EIF4E: variants seen among roughly 807,000 people sequenced by gnomAD.
EIF4E encodes the protein eIF-4F 25 kDa subunit.
For synonymous variants in EIF4E, 71 were observed against 88.5 expected (o/e 0.80, Z 1.11); for missense variants, 113 against 265.6 (o/e 0.43, Z 3.99).
At chr4:98,929,049 C>A in intron 1 of EIF4E, 46 bp downstream of exon 1, 2 of 1,574,062 alleles carry the variant, frequency 1.3e-6, no homozygotes, top group Non-Finnish European at 1.7e-6. Context: ...AGAAGGAAGA[C>A]GGAGCGCGGG....
chr4:98,888,171 A>G (rs1724000023), intron 3 of EIF4E, among the ~76,000 whole-genome samples: 1 of 152,196 alleles, frequency 6.6e-6, no homozygotes, highest in African/African-American at 2.4e-5. Flanking sequence ...AAAAACTTCT[A>G]GTGACTGCTC....
chr4:98,901,384 A>G (rs1203320434), intron 2 of EIF4E, among the ~76,000 whole-genome samples: 1 of 152,112 alleles, frequency 6.6e-6, no homozygotes, highest in Non-Finnish European at 1.5e-5. Flanking sequence ...TTTTTAGTAG[A>G]GACGGGGTTT....
intron 1 of EIF4E, among the ~76,000 whole-genome samples, chr4:98,923,204 CAA>C (rs550509478): frequency 2.5e-5 from 3 of 121,546 alleles, no homozygotes; most frequent in Non-Finnish European, 1.8e-5. Flanking sequence ...ACTGGGGAAA[CAA>C]AAAAAAAAAA....
intron 1 of EIF4E, among the ~76,000 whole-genome samples, chr4:98,920,575 A>G (rs1218279051): frequency 6.6e-6 from 1 of 152,140 alleles, no homozygotes; most frequent in Non-Finnish European, 1.5e-5. Context: ...GATTACAAGC[A>G]TGAACCACTG....
chr4:98,921,851 C>T (rs1725654743), intron 1 of EIF4E, among the ~76,000 whole-genome samples: 1 of 152,092 alleles, frequency 6.6e-6, no homozygotes, highest in Admixed American at 6.6e-5. Context: ...TAGCAAATGC[C>T]AGAAATCAAA....
At chr4:98,882,690 G>A (rs555614798) in intron 6 of EIF4E, among the ~76,000 whole-genome samples, 1 of 151,602 alleles carries the variant, frequency 6.6e-6, no homozygotes, top group African/African-American at 2.4e-5. Flanking sequence ...CAAAAAGCAA[G>A]ACCATTGAGT....
intron 5 of EIF4E, 157 bp downstream of exon 5, chr4:98,886,922 G>A (rs2110179534): frequency 5.8e-6 from 4 of 687,618 alleles, no homozygotes; most frequent in East Asian, 2.9e-5. Flanking sequence ...ACTATAAACA[G>A]GAGTCATATG....
chr4:98,918,809 C>T (rs1461856368), intron 1 of EIF4E, among the ~76,000 whole-genome samples: 1 of 152,196 alleles, frequency 6.6e-6, no homozygotes, highest in African/African-American at 2.4e-5. Context: ...GAAAAGTGCA[C>T]ATAGCTGGCT....
At chr4:98,909,542 C>T in intron 1 of EIF4E, 1 of 633,628 alleles carries the variant, frequency 1.6e-6, no homozygotes, top group Non-Finnish European at 2.8e-6. Flanking sequence ...AAGTTTCAGG[C>T]TTCTAACTCC....
intron 5 of EIF4E, chr4:98,886,575 C>G (rs1295328440): frequency 2.5e-6 from 1 of 396,334 alleles, no homozygotes. Flanking sequence ...ATTAGCTGGG[C>G]ATGGTGGCAT....
chr4:98,917,974 G>T (rs751031261), intron 1 of EIF4E, among the ~76,000 whole-genome samples: 3 of 152,118 alleles, frequency 2.0e-5, no homozygotes, highest in Non-Finnish European at 2.9e-5. Context: ...TACTTGGGAG[G>T]TTGAGGCAGG....
chr4:98,892,521 A>T (rs1724194084), intron 2 of EIF4E, among the ~76,000 whole-genome samples: 1 of 151,736 alleles, frequency 6.6e-6, no homozygotes, highest in African/African-American at 2.4e-5. Flanking sequence ...TCTACTAAAA[A>T]TACAAAAAAA....
chr4:98,928,237 G>A (rs1721297094), intron 1 of EIF4E, among the ~76,000 whole-genome samples: 1 of 151,882 alleles, frequency 6.6e-6, no homozygotes, highest in Non-Finnish European at 1.5e-5. Context: ...AGGTCCGGCC[G>A]GCAAGCCGAC....
At chr4:98,894,998 CAAG>C (rs1724314100) in intron 2 of EIF4E, 2 of 152,270 alleles carry the variant, frequency 1.3e-5, no homozygotes, top group Non-Finnish European at 1.5e-5. Flanking sequence ...GGCCCAAGGA[CAAG>C]AAGATGGGAA....
At chr4:98,895,766 TG>T (rs1724353405) in intron 2 of EIF4E, among the ~76,000 whole-genome samples, 2 of 152,250 alleles carry the variant, frequency 1.3e-5, no homozygotes, top group South Asian at 4.1e-4. Context: ...TAAAGATCTA[TG>T]GGGCCAGGAA....
At chr4:98,886,371 A>G in intron 5 of EIF4E, 2 of 343,124 alleles carry the variant, frequency 5.8e-6, no homozygotes, top group Non-Finnish European at 1.2e-5. Context: ...CACAACATGT[A>G]GGTCAAATGG....
chr4:98,914,361 C>CAA lies in EIF4E; in HGVS notation c.19-12381_19-12380dup, dbSNP rs1159581783. Among the ~76,000 whole-genome samples the CAA allele has an allele frequency of 7.8e-3, 273 of 34,834 alleles. 21 individuals are homozygous for CAA. Among genetic ancestry groups the CAA allele is most frequent in the Non-Finnish European group, 9.2e-3 (181 of 19,690 alleles). The allele number at this position is 34,834 out of a possible 152,430, so 22.9% of individuals were successfully genotyped here. A position where few individuals can be genotyped will look rare whatever the true frequency, so the allele number is the denominator to read the frequency against. On this transcript the variant is annotated intron_variant, in intron 1 of 6. Coordinates refer to ENST00000450253, the MANE Select transcript of EIF4E (RefSeq NM_001968.5). Reference sequence around the variant, plus strand: ...CTGGCAACAGAGCCAGACTCCGTCTCAAAAAAAAAAAAAAAAAAAAAAAAA... The same window carrying CAA: ...CTGGCAACAGAGCCAGACTCCGTCTCAAAAAAAAAAAAAAAAAAAAAAAAAAA...
At chr4:98,895,897 A>T (rs1724359336) in intron 2 of EIF4E, among the ~76,000 whole-genome samples, 1 of 152,108 alleles carries the variant, frequency 6.6e-6, no homozygotes, top group Admixed American at 6.5e-5. Context: ...CTAGACATTT[A>T]AAAAATTAGC....
chr4:98,891,042 G>C (rs918846033), intron 3 of EIF4E, 195 bp downstream of exon 3: 2 of 632,136 alleles, frequency 3.2e-6, no homozygotes, highest in African/African-American at 3.7e-5. Context: ...AATTGGGGCT[G>C]GGGGATGACA....
Sources: allele counts gnomAD v4.1 joint callset (sites outside exome capture counted in the v4.1 genomes callset), GRCh38; gene constraint gnomAD v4.1.1; transcripts MANE v1.5; gene names NCBI Gene and HGNC (gene_info 2026-07-23, HGNC 2026-07-21).